The following FUCA1 variants were observed in gnomAD, a reference collection of about 807,000 sequenced individuals.
The protein encoded by FUCA1 is alpha-L-fucosidase 1.
A neutral mutation model predicts 56.8 loss-of-function variants in FUCA1; 52 were observed. That is an observed-to-expected ratio of 0.92 (90% CI 0.73 to 1.15). The LOEUF is 1.15. Ranked by LOEUF, FUCA1 falls within the 50% of genes most tolerant of loss-of-function variation. FUCA1 has a pLI of 0.00. For synonymous variants in FUCA1, 230 were observed against 226.6 expected (o/e 1.02, Z -0.14); for missense variants, 568 against 592.6 (o/e 0.96, Z 0.43).
Position 23,868,143 on chromosome 1 carries a change from C to A in FUCA1, c.144G>T (p.Pro48=), listed in dbSNP as rs1383407330. 1 of 1,610,706 alleles carries A rather than the reference C, an allele frequency of 6.2e-7. No homozygotes were observed. Residue 48 remains proline, a synonymous_variant, in exon 1 of 8, where the codon CCG becomes CCT. Transcript: ENST00000374479. ...TGGCTTCGTCGAACCAGGCCGGCAG[C>A]GGCCGAGAATCCAGGCTCGGCCAGT... is the stretch of plus-strand genomic sequence containing the variant. ...TPDWPSLDSR[P]LPAWFDEAKF...
At position 23,847,922 on chromosome 1, in the gene FUCA1, T is replaced by C. The variant is rs552797848; in HGVS notation, c.1160+727A>G. 5.8e-4 allele frequency among the ~76,000 whole-genome samples: 88 copies of C among 152,246 alleles called. 1 individual carries two copies. Among genetic ancestry groups the C allele is most frequent in the Non-Finnish European group, 7.4e-5 (5 of 68,020 alleles). ...CTATAATCCCAGCTGCTTGGGAGGC[T>C]GAGGCAGGAGAATTGCTTGAACCTT... is the stretch of plus-strand genomic sequence containing the variant. On this transcript the variant is annotated intron_variant, in intron 6 of 7. Coordinates refer to ENST00000374479, the MANE Select transcript of FUCA1 (RefSeq NM_000147.5).
intron 4 of FUCA1, 134 bp downstream of exon 4, chr1:23,859,664 G>A (rs1276190275): frequency 3.0e-6 from 2 of 669,454 alleles, no homozygotes; most frequent in Non-Finnish European, 5.5e-6. Context: ...TCCATTAAGT[G>A]TCCCAGTCCC....
chr1:23,847,167 A>G (rs993768071), intron 6 of FUCA1, among the ~76,000 whole-genome samples: 6 of 152,076 alleles, frequency 3.9e-5, no homozygotes, highest in Admixed American at 3.3e-4. Context: ...TATTTTCCCT[A>G]CCAATTGGGT....
intron 5 of FUCA1, 141 bp from the exon 6 acceptor site, chr1:23,848,980 T>G: frequency 1.3e-6 from 1 of 743,296 alleles, no homozygotes; most frequent in East Asian, 2.7e-5. Flanking sequence ...TTTTTTTTTC[T>G]TTTTGAGCTG....
intron 2 of FUCA1, among the ~76,000 whole-genome samples, chr1:23,864,103 T>C (rs1222264927): frequency 2.0e-5 from 3 of 148,918 alleles, no homozygotes; most frequent in Admixed American, 1.3e-4. Context: ...TTTTTTTTTT[T>C]TGAGATGGAG....
In FUCA1 at chr1:23,867,783, G is replaced by C. The variant is rs1454629820; in HGVS notation, c.389+115C>G. ...CTGTGGCCGCAGGAGGCCACACGCG[G>C]GCCCCGGGGTCATGGGGGCGACCGG... On this transcript the variant is annotated intron_variant, in intron 1 of 7. Coordinates refer to ENST00000374479, the MANE Select transcript of FUCA1 (RefSeq NM_000147.5). This position sits in a 1 kb window ranked among gnomAD's most constrained non-coding sequence, Gnocchi z 4.9. 5 of 1,432,452 alleles carry C rather than the reference G, an allele frequency of 3.5e-6. No homozygotes were observed. In the African/African-American group the frequency reaches 5.9e-5, roughly 17 times the overall value. The allele number at this position is 1,432,452 out of a possible 1,614,324, so 88.7% of individuals were successfully genotyped here.
In FUCA1 at chr1:23,845,269, C is replaced by A; in HGVS notation, c.*446G>T. On this transcript the variant is annotated 3_prime_UTR_variant, in exon 8 of 8. Transcript: ENST00000374479. Reference sequence around the variant, plus strand: ...GTAAGCCTTTTCCTTTCCCCCAAAGCTCTCCTGCCCTTTGCAGAAAGACTG... The same window carrying A: ...GTAAGCCTTTTCCTTTCCCCCAAAGATCTCCTGCCCTTTGCAGAAAGACTG... The A allele has an allele frequency of 4.3e-6, 1 of 233,650 alleles. No individual in the cohort carries two copies. Among genetic ancestry groups the A allele is most frequent in the South Asian group, 6.1e-5 (1 of 16,270 alleles). 14.5% of individuals were successfully genotyped at this position (233,650 alleles called of 1,614,324 possible). A position where few individuals can be genotyped will look rare whatever the true frequency, so the allele number is the denominator to read the frequency against.
Position 23,867,163 on chromosome 1 carries a change from C to G in FUCA1, c.389+735G>C, listed in dbSNP as rs923469335. ...GAAGCTGATAGTAACCACTCCCTGACTTAACATCTGTCAATACAGGGCTCT... is the reference window on the plus strand; with the variant it reads ...GAAGCTGATAGTAACCACTCCCTGAGTTAACATCTGTCAATACAGGGCTCT... On this transcript the variant is annotated intron_variant, in intron 1 of 7. Coordinates refer to ENST00000374479, the MANE Select transcript of FUCA1 (RefSeq NM_000147.5). This position sits in a 1 kb window ranked among gnomAD's most constrained non-coding sequence, Gnocchi z 4.9. Among the ~76,000 whole-genome samples, 1 of 152,146 alleles carries G rather than the reference C, an allele frequency of 6.6e-6. No homozygotes were observed. Among genetic ancestry groups the G allele is most frequent in the African/African-American group, 2.4e-5 (1 of 41,428 alleles).
rs1390365334 is a variant in FUCA1, at chr1:23,846,168, G to A, written c.1166C>T (p.Thr389Ile). 1.2e-6 allele frequency: 2 copies of A among 1,611,416 alleles called. No homozygotes were observed. Among genetic ancestry groups the A allele is most frequent in the Non-Finnish European group, 1.7e-6 (2 of 1,177,664 alleles). ...GGCATAAACAGCCGATCCCTTTGAGGTATACCTGGGAAAACAGAAACAACA... is the reference window on the plus strand; with the variant it reads ...GGCATAAACAGCCGATCCCTTTGAGATATACCTGGGAAAACAGAAACAACA... ...WEKNTTSVWYTSKGSAVYAIF... is the reference protein window; with the variant it reads ...WEKNTTSVWYISKGSAVYAIF... The change falls in exon 7 of 8, where the codon ACC becomes ATC. Residue 389 changes from threonine to isoleucine, a missense_variant. By Grantham distance (89) the Thr-to-Ile change is moderately conservative (BLOSUM62 -1). Transcript: ENST00000374479.
At chr1:23,865,329 T>C (rs545373491) in intron 2 of FUCA1, among the ~76,000 whole-genome samples, 162 bp downstream of exon 2, 1 of 152,192 alleles carries the variant, frequency 6.6e-6, no homozygotes, top group Non-Finnish European at 1.5e-5. Context: ...TCCGGCTACT[T>C]GCTATATGCA....
chr1:23,847,565 T>C (rs1639168347), intron 6 of FUCA1, among the ~76,000 whole-genome samples: 1 of 152,174 alleles, frequency 6.6e-6, no homozygotes, highest in Non-Finnish European at 1.5e-5. Context: ...ATGATGGGAC[T>C]GATGGCTTTA....
chr1:23,848,525 A>G, intron 6 of FUCA1, 124 bp downstream of exon 6: 1 of 909,072 alleles, frequency 1.1e-6, no homozygotes, highest in Non-Finnish European at 1.8e-6. Flanking sequence ...TTTATAGGAA[A>G]ATAACCTTCT....
In FUCA1 at chr1:23,854,409, C is replaced by T. The variant is rs1005744482; in HGVS notation, c.920G>A (p.Arg307His). 11 of 1,614,046 alleles carry T rather than the reference C, an allele frequency of 6.8e-6. No individual in the cohort carries two copies. Among genetic ancestry groups the T allele is most frequent in the Middle Eastern group, 1.7e-4 (1 of 6,058 alleles). Reference protein sequence around the residue: ...TSIDKFSWGYRRDMALSDVTE... With the variant: ...TSIDKFSWGYHRDMALSDVTE... Reference sequence around the variant, plus strand: ...AACATCAGACAATGCCATGTCACGACGATAGCCCCAGGAAAACTTGTCAAT... The same window carrying T: ...AACATCAGACAATGCCATGTCACGATGATAGCCCCAGGAAAACTTGTCAAT... The change falls in exon 5 of 8, where the codon CGT (arginine) becomes CAT (histidine). Residue 307 changes from arginine (R) to histidine (H), a missense_variant. By Grantham distance (29) the Arg-to-His change is conservative (BLOSUM62 0). Transcript: ENST00000374479.
rs3003325 is a variant in FUCA1, at chr1:23,867,251, T to C, written c.389+647A>G. Among the ~76,000 whole-genome samples the C allele has an allele frequency of 0.11, 16,285 of 152,088 alleles. 969 individuals are homozygous for C. Among genetic ancestry groups the C allele is most frequent in the East Asian group, 0.21 (1,087 of 5,164 alleles). On this transcript the variant is annotated intron_variant, in intron 1 of 7. Coordinates refer to ENST00000374479, the MANE Select transcript of FUCA1 (RefSeq NM_000147.5). The surrounding 1 kb of genome is among the most constrained non-coding windows in gnomAD (Gnocchi z 4.9). ...AACTTCATGGGTCGTGGTCTCCCCT[T>C]ATCCCCACCCCAGCGCTCTCTACTC... is the stretch of plus-strand genomic sequence containing the variant.
intron 3 of FUCA1, 49 bp from the exon 4 acceptor site, chr1:23,859,952 AG>A: frequency 7.6e-7 from 1 of 1,321,340 alleles, no homozygotes; most frequent in East Asian, 2.3e-5. Context: ...ACATGTTCAC[AG>A]TAAAATCTTA....
chr1:23,847,736 T>C (rs1337579700), intron 6 of FUCA1, among the ~76,000 whole-genome samples: 1 of 152,046 alleles, frequency 6.6e-6, no homozygotes, highest in Non-Finnish European at 1.5e-5. Flanking sequence ...AATTATCCAG[T>C]CTAAGCCAGG....
rs886046325 is a variant in FUCA1 at position 23,868,120 on chromosome 1, G to C, written c.167C>G (p.Ala56Gly). The change falls in exon 1 of 8, where the codon GCC (alanine) becomes GGC (glycine). Residue 56 changes from alanine to glycine, a missense_variant. Physicochemically the swap from Ala to Gly is moderately conservative, Grantham distance 60 (BLOSUM62 0). Transcript: ENST00000374479. ...CCAGTGGATGAACACCCCGAACTTG[G>C]CTTCGTCGAACCAGGCCGGCAGCGG... ...SRPLPAWFDE[A>G]KFGVFIHWGV... 6.2e-7 allele frequency: 1 copy of C among 1,611,768 alleles called. No homozygotes were observed. The highest frequency in any genetic ancestry group is 8.5e-7 in the Non-Finnish European group (1 of 1,179,586).
chr1:23,848,625 C>T lies in FUCA1; in HGVS notation c.1160+24G>A, dbSNP rs764648379. 3.7e-6 allele frequency: 6 copies of T among 1,607,404 alleles called. No individual in the cohort carries two copies. The South Asian group carries it at 6.6e-5, about 18-fold the overall frequency. On this transcript the variant is annotated intron_variant, in intron 6 of 7. Coordinates refer to ENST00000374479, the MANE Select transcript of FUCA1 (RefSeq NM_000147.5). Reference sequence around the variant, plus strand: ...CGGATGGGGCACTGTTCTGTTCTTACACACAACAGAAGACAAGACTCACCA... The same window carrying T: ...CGGATGGGGCACTGTTCTGTTCTTATACACAACAGAAGACAAGACTCACCA...
At chr1:23,861,920 G>A (rs767474156) in intron 3 of FUCA1, among the ~76,000 whole-genome samples, 7 of 152,182 alleles carry the variant, frequency 4.6e-5, no homozygotes, top group Non-Finnish European at 1.0e-4. Context: ...ATAAGAAATT[G>A]TACTAGGCAA....
Sources: gnomAD v4.1 joint callset for allele counts (sites outside exome capture counted in the v4.1 genomes callset) on GRCh38, gnomAD v4.1.1 for gene constraint, Gnocchi (gnomAD v3.1) non-coding constraint, MANE v1.5 for transcripts, NCBI Gene and HGNC (gene_info 2026-07-23, HGNC 2026-07-21) for gene names.